GRAMD2A: variants seen among roughly 807,000 people sequenced by gnomAD.
GRAMD2A encodes GRAM domain-containing protein 2A.
A neutral mutation model predicts 51.1 loss-of-function variants in GRAMD2A; 37 were observed. That is an observed-to-expected ratio of 0.72 (90% confidence interval 0.56 to 0.95). The LOEUF (loss-of-function observed/expected upper bound fraction) is 0.95. Among genes scored for constraint, GRAMD2A ranks in the 40% least tolerant of loss-of-function variants. GRAMD2A has a pLI of 0.00. For synonymous variants in GRAMD2A, 136 were observed against 157.1 expected (o/e 0.87, Z 1.01); for missense variants, 414 against 426.9 (o/e 0.97, Z 0.27).
rs768668046 is a variant in GRAMD2A, at chr15:72,170,133, G to A, written c.42-194C>T. On this transcript the variant is annotated intron_variant, in intron 1 of 11. Transcript: ENST00000309731. This position sits in a 1 kb window ranked among gnomAD's most constrained non-coding sequence, Gnocchi z 4.5. ...TTCTGGGATGGCTGACGGAGTAGGC[G>A]GGTCTCACACAGCGTCTTTCCCGAA... 8.7e-6 allele frequency: 6 copies of A among 686,716 alleles called. No individual in the cohort carries two copies. Among genetic ancestry groups the A allele is most frequent in the Admixed American group, 2.0e-5 (1 of 49,504 alleles). The allele number at this position is 686,716 out of a possible 1,614,324, so 42.5% of individuals were successfully genotyped here.
intron 1 of GRAMD2A, among the ~76,000 whole-genome samples, chr15:72,182,233 C>T (rs1482357941): frequency 6.6e-5 from 10 of 151,712 alleles, no homozygotes; most frequent in African/African-American, 1.7e-4. Flanking sequence ...GGCGTGGTGG[C>T]GCATGTCTAT....
At chr15:72,192,955 T>A (rs1197080599) in intron 1 of GRAMD2A, among the ~76,000 whole-genome samples, 1 of 151,852 alleles carries the variant, frequency 6.6e-6, no homozygotes, top group Non-Finnish European at 1.5e-5. Context: ...AGAAACCCCA[T>A]CTCTACTAAA....
chr15:72,169,116 C>A lies in GRAMD2A; in HGVS notation c.135-120G>T, dbSNP rs1303342258. 1.2e-5 allele frequency: 10 copies of A among 832,318 alleles called. No individual in the cohort carries two copies. The East Asian group carries it at 1.6e-4, about 13-fold the overall frequency. 51.6% of individuals were successfully genotyped at this position (832,318 alleles called of 1,614,324 possible). On this transcript the variant is annotated intron_variant, in intron 2 of 11. Coordinates refer to ENST00000309731, the MANE Select transcript of GRAMD2A (RefSeq NM_001012642.3). ...TGAGGCAGAGATCAGAGACTAGGAC[C>A]CTTCTCTAGGGGACACAGCAAAATG...
chr15:72,179,014 G>C (rs1409410874), intron 1 of GRAMD2A, among the ~76,000 whole-genome samples: 2 of 152,202 alleles, frequency 1.3e-5, no homozygotes, highest in South Asian at 2.1e-4. Context: ...TGAGTGTAAG[G>C]GGGTGAGGCT....
chr15:72,162,111 G>A, intron 11 of GRAMD2A, 99 bp from the exon 12 acceptor site: 1 of 1,485,792 alleles, frequency 6.7e-7, no homozygotes, highest in Non-Finnish European at 9.4e-7. Context: ...CCAAGAGTGG[G>A]CCAGGGTGGG....
chr15:72,180,968 A>G (rs190726918), intron 1 of GRAMD2A, among the ~76,000 whole-genome samples: 7 of 152,320 alleles, frequency 4.6e-5, no homozygotes, highest in Admixed American at 2.0e-4. Flanking sequence ...TGACTCAACC[A>G]TGGAGGGCAA....
At chr15:72,181,079 G>T (rs2081693493) in intron 1 of GRAMD2A, among the ~76,000 whole-genome samples, 1 of 152,216 alleles carries the variant, frequency 6.6e-6, no homozygotes, top group African/African-American at 2.4e-5. Context: ...ACTGTAGAGG[G>T]GTTGCCATAT....
chr15:72,188,106 A>G (rs1288016884), intron 1 of GRAMD2A, among the ~76,000 whole-genome samples: 1 of 152,202 alleles, frequency 6.6e-6, no homozygotes, highest in African/African-American at 2.4e-5. Flanking sequence ...TGGGAGGCCA[A>G]AGCAGGCAGA....
chr15:72,174,069 C>A (rs1305079345), intron 1 of GRAMD2A: 2 of 152,000 alleles, frequency 1.3e-5, no homozygotes, highest in African/African-American at 4.8e-5. Context: ...GGCTCAGAGA[C>A]CCTGCCTATG....
chr15:72,189,094 C>T (rs2081751734), intron 1 of GRAMD2A, among the ~76,000 whole-genome samples: 1 of 152,058 alleles, frequency 6.6e-6, no homozygotes, highest in Admixed American at 6.6e-5. Flanking sequence ...TTAGAATAAA[C>T]ATACTATTTT....
chr15:72,191,555 TA>T (rs1445423592), intron 1 of GRAMD2A, among the ~76,000 whole-genome samples: 1 of 152,196 alleles, frequency 6.6e-6, no homozygotes, highest in African/African-American at 2.4e-5. Context: ...GAAAAACTGG[TA>T]GGATTAGACT....
chr15:72,162,453 G>A, intron 10 of GRAMD2A, 76 bp from the exon 11 acceptor site: 1 of 1,080,630 alleles, frequency 9.3e-7, no homozygotes, highest in Non-Finnish European at 1.4e-6. Flanking sequence ...CGGAAATAGT[G>A]GGGACCAAGC....
chr15:72,185,150 A>G (rs750079121), intron 1 of GRAMD2A, among the ~76,000 whole-genome samples: 4 of 151,682 alleles, frequency 2.6e-5, no homozygotes, highest in Non-Finnish European at 5.9e-5. Context: ...GTGGGAAAAT[A>G]CCTATATTCA....
In GRAMD2A at chr15:72,189,685, C is replaced by T. The variant is rs187836661; in HGVS notation, c.41+8046G>A. ...AGTTAGAGGCACTGAAAGGAAAGTA[C>T]GTTTTAGTGAGCACCTACTGTGTAC... On this transcript the variant is annotated intron_variant, in intron 1 of 11. Coordinates refer to ENST00000309731, the MANE Select transcript of GRAMD2A (RefSeq NM_001012642.3). Among the ~76,000 whole-genome samples the T allele has an allele frequency of 4.0e-4, 61 of 152,288 alleles. 1 individual carries two copies. The East Asian group carries it at 8.7e-3, about 22-fold the overall frequency.
At chr15:72,168,259 C>A (rs1003879995) in intron 4 of GRAMD2A, among the ~76,000 whole-genome samples, 4 of 152,228 alleles carry the variant, frequency 2.6e-5, no homozygotes, top group Non-Finnish European at 5.9e-5. Context: ...GAGCAGGACA[C>A]AAGATTCCAA....
intron 1 of GRAMD2A, among the ~76,000 whole-genome samples, chr15:72,189,978 A>C (rs1007725998): frequency 8.5e-5 from 13 of 152,190 alleles, no homozygotes; most frequent in Non-Finnish European, 1.9e-4. Context: ...TGGGTGGGGA[A>C]AAAAAGGTGC....
chr15:72,182,262 G>A (rs2081701821), intron 1 of GRAMD2A, among the ~76,000 whole-genome samples: 1 of 151,670 alleles, frequency 6.6e-6, no homozygotes, highest in Non-Finnish European at 1.5e-5. Flanking sequence ...CTACTCAGGA[G>A]GCTGAGGCAA....
At chr15:72,179,776 C>T (rs2081683282) in intron 1 of GRAMD2A, among the ~76,000 whole-genome samples, 1 of 152,160 alleles carries the variant, frequency 6.6e-6, no homozygotes, top group Non-Finnish European at 1.5e-5. Context: ...GCTGTGTTAG[C>T]CTCTGTCCCA....
Position 72,166,796 on chromosome 15 carries a change from AG to A in GRAMD2A, c.472-94del. 8.8e-7 allele frequency: 1 copy of A among 1,137,148 alleles called. No individual in the cohort carries two copies. The highest frequency in any genetic ancestry group is 1.3e-6 in the Non-Finnish European group (1 of 757,356). The allele number at this position is 1,137,148 out of a possible 1,614,324, so 70.4% of individuals were successfully genotyped here. ...CCTTGTGGATTGGGCACAGGCCCACAGGGGTATCAGGCCATGAGAGCCAACA... is the reference window on the plus strand; with the variant it reads ...CCTTGTGGATTGGGCACAGGCCCACAGGGTATCAGGCCATGAGAGCCAACA... On this transcript the variant is annotated intron_variant, in intron 6 of 11. Transcript: ENST00000309731. The surrounding 1 kb of genome is among the most constrained non-coding windows in gnomAD (Gnocchi z 4.1).
Sources: gnomAD v4.1 joint callset for allele counts (sites outside exome capture counted in the v4.1 genomes callset) on GRCh38, gnomAD v4.1.1 for gene constraint, Gnocchi (gnomAD v3.1) non-coding constraint, MANE v1.5 for transcripts, NCBI Gene and HGNC (gene_info 2026-07-23, HGNC 2026-07-21) for gene names.